EML4: variants seen among roughly 807,000 people sequenced by gnomAD.
The protein encoded by EML4 is echinoderm microtubule-associated protein-like 4.
Under a neutral mutation model 129.0 loss-of-function variants are expected in EML4, and 72 were observed. That is an observed-to-expected ratio of 0.56 (90% CI 0.46 to 0.68). EML4 has a LOEUF of 0.68. EML4 is among the 30% of genes least tolerant of loss of function. The probability of loss-of-function intolerance (pLI) is 0.00; values close to 1 mark genes in which losing one functional copy is unlikely to be tolerated. For missense variants in EML4, 1,363 were observed against 1,190.6 expected (o/e 1.14, Z -2.13); for synonymous variants, 532 against 405.0 (o/e 1.31, Z -3.77).
At chr2:42,286,035 C>A in intron 9 of EML4, 1 of 577,876 alleles carries the variant, frequency 1.7e-6, no homozygotes, top group Non-Finnish European at 3.1e-6. Flanking sequence ...ATGTGTAATA[C>A]TTAGAATAGT....
intron 7 of EML4, among the ~76,000 whole-genome samples, chr2:42,282,332 C>G (rs1225189616): frequency 1.4e-5 from 2 of 141,240 alleles, no homozygotes; most frequent in African/African-American, 2.7e-5. Flanking sequence ...TCTTAACATA[C>G]TGAAAGAGTC....
rs1558619196 is a variant in EML4 at position 42,329,998 on chromosome 2, G to A, written c.2737G>A (p.Glu913Lys). 6.2e-7 allele frequency: 1 copy of A among 1,613,874 alleles called. No individual in the cohort carries two copies. The highest frequency in any genetic ancestry group is 1.7e-5 in the Admixed American group (1 of 59,962). The change falls in exon 23 of 23, where the codon GAA becomes AAA. Residue 913 changes from glutamate (E) to lysine (K), a missense_variant. Glu to Lys is a moderately conservative substitution (Grantham distance 56, BLOSUM62 1). Transcript: ENST00000318522. The part of the protein sequence containing the change: ...SQPLNETAEE[E>K]SRISSSPTLL... ...GCCCTTAAATGAGACAGCTGAAGAG[G>A]AAAGTAGAATAAGCAGTTCTCCCAC... is the stretch of plus-strand genomic sequence containing the variant.
At chr2:42,309,512 A>G (rs536082198) in intron 17 of EML4, among the ~76,000 whole-genome samples, 3 of 150,686 alleles carry the variant, frequency 2.0e-5, no homozygotes, top group Admixed American at 1.3e-4. Flanking sequence ...TTATGATTCT[A>G]CCAGCAATGT....
intron 1 of EML4, among the ~76,000 whole-genome samples, chr2:42,185,631 G>C (rs1190135646): frequency 6.6e-6 from 1 of 152,148 alleles, no homozygotes; most frequent in African/African-American, 2.4e-5. Context: ...TGAGTATGGA[G>C]ATGAGAGATG....
chr2:42,274,333 C>T (rs574351331), intron 6 of EML4, among the ~76,000 whole-genome samples: 3 of 152,264 alleles, frequency 2.0e-5, no homozygotes, highest in South Asian at 2.1e-4. Context: ...AAGTTGTAAG[C>T]AATCTAAACG....
intron 1 of EML4, among the ~76,000 whole-genome samples, chr2:42,232,271 A>G (rs959401345): frequency 3.3e-5 from 5 of 152,174 alleles, no homozygotes; most frequent in African/African-American, 1.2e-4. Context: ...AAAAAGCCCT[A>G]TATACTTTGA....
At chr2:42,313,362 C>G (rs992846622) in intron 17 of EML4, among the ~76,000 whole-genome samples, 5 of 152,154 alleles carry the variant, frequency 3.3e-5, no homozygotes, top group African/African-American at 1.2e-4. Flanking sequence ...TCTCTGAGAG[C>G]TCTCTCACCA....
chr2:42,291,775 G>C (rs577296458), intron 11 of EML4, among the ~76,000 whole-genome samples: 34 of 152,216 alleles, frequency 2.2e-4, no homozygotes, highest in African/African-American at 8.2e-4. Context: ...CTCATATTCT[G>C]AATATATAAG....
chr2:42,293,792 G>T (rs1476514573), intron 11 of EML4, among the ~76,000 whole-genome samples: 1 of 152,016 alleles, frequency 6.6e-6, no homozygotes, highest in Admixed American at 6.6e-5. Context: ...TGTATTTTTA[G>T]TAGAGACGGG....
In EML4 at chr2:42,325,606, ATATAT is replaced by A. The variant is rs754907539; in HGVS notation, c.2242+53_2242+57del. Reference sequence around the variant, plus strand: ...ATATATATGCTATGATTATATTTATATATATATATATATATATATATATATATATA... The same window carrying A: ...ATATATATGCTATGATTATATTTATAATATATATATATATATATATATATA... On this transcript the variant is annotated intron_variant, in intron 20 of 22. Transcript: ENST00000318522. The A allele has an allele frequency of 2.4e-3, 69 of 28,678 alleles. 1 individual carries two copies. Among genetic ancestry groups the A allele is most frequent in the Non-Finnish European group, 3.3e-3 (55 of 16,810 alleles). 1.8% of individuals were successfully genotyped at this position (28,678 alleles called of 1,614,324 possible). A position where few individuals can be genotyped will look rare whatever the true frequency, so the allele number is the denominator to read the frequency against.
chr2:42,230,016 C>G (rs1233511864), intron 1 of EML4, among the ~76,000 whole-genome samples: 1 of 152,024 alleles, frequency 6.6e-6, no homozygotes, highest in South Asian at 2.1e-4. Flanking sequence ...CAATTATTGG[C>G]TAAATTTGCT....
rs149140099 is a variant in EML4 at position 42,176,946 on chromosome 2, A to T, written c.25+7310A>T. Among the ~76,000 whole-genome samples, 1,258 of 152,220 alleles carry T rather than the reference A, an allele frequency of 8.3e-3. 18 individuals are homozygous for T. The highest frequency in any genetic ancestry group is 0.029 in the African/African-American group (1,204 of 41,524). On this transcript the variant is annotated intron_variant, in intron 1 of 22. Coordinates refer to ENST00000318522, the MANE Select transcript of EML4 (RefSeq NM_019063.5). ...CTAGGTGGTGTTACAGGTGTATGCC[A>T]CCACACCCAGCTAATTTTTGTATTT...
At chr2:42,261,352 G>A (rs1197266195) in intron 4 of EML4, 58 bp downstream of exon 4, 1 of 1,428,340 alleles carries the variant, frequency 7.0e-7, no homozygotes, top group African/African-American at 1.4e-5. Flanking sequence ...CCTAAATTCT[G>A]TGACTTGGGA....
intron 1 of EML4, 22 bp from the exon 2 acceptor site, chr2:42,245,483 C>G (rs1179900766): frequency 6.6e-7 from 1 of 1,523,214 alleles, no homozygotes; most frequent in African/African-American, 1.4e-5. Context: ...AAAAATATTC[C>G]ATATTTTATT....
chr2:42,222,598 A>C (rs1201654833), intron 1 of EML4, among the ~76,000 whole-genome samples: 1 of 152,130 alleles, frequency 6.6e-6, no homozygotes, highest in Non-Finnish European at 1.5e-5. Flanking sequence ...TAACAGAAAA[A>C]GTTTGCCAAC....
At chr2:42,289,754 C>T (rs906725897) in intron 11 of EML4, 4 of 151,708 alleles carry the variant, frequency 2.6e-5, no homozygotes, top group African/African-American at 9.7e-5. Flanking sequence ...CTAGTACAAG[C>T]GACTGCAAAA....
chr2:42,311,698 A>G (rs557512437), intron 17 of EML4, among the ~76,000 whole-genome samples: 1 of 152,264 alleles, frequency 6.6e-6, no homozygotes, highest in South Asian at 2.1e-4. Context: ...CCCTTTCTCT[A>G]AAAAGGCACT....
At chr2:42,307,344 C>T (rs564794844) in intron 17 of EML4, among the ~76,000 whole-genome samples, 1 of 152,162 alleles carries the variant, frequency 6.6e-6, no homozygotes, top group Non-Finnish European at 1.5e-5. Flanking sequence ...AAGTAGAAAA[C>T]ACTTCATGAG....
intron 2 of EML4, among the ~76,000 whole-genome samples, chr2:42,247,798 C>G (rs1260490243): frequency 6.6e-6 from 1 of 151,786 alleles, no homozygotes; most frequent in East Asian, 1.9e-4. Flanking sequence ...GGATAAGGAG[C>G]TAGATCTGTT....
Sources: allele counts gnomAD v4.1 joint callset (sites outside exome capture counted in the v4.1 genomes callset), GRCh38; gene constraint gnomAD v4.1.1; transcripts MANE v1.5; gene names NCBI Gene and HGNC (gene_info 2026-07-23, HGNC 2026-07-21).